C10orf90: variants seen among roughly 807,000 people sequenced by gnomAD.
C10orf90 encodes the protein chromosome 10 open reading frame 90.
A neutral mutation model predicts 62.5 loss-of-function variants in C10orf90; 56 were observed. That is an observed-to-expected ratio of 0.90 (90% CI 0.72 to 1.12). C10orf90 has a LOEUF of 1.12. Among genes scored for constraint, C10orf90 ranks in the 50% most tolerant of loss-of-function variants. The probability of loss-of-function intolerance (pLI) is 0.00; values close to 1 mark genes in which losing one functional copy is unlikely to be tolerated. For synonymous variants in C10orf90, 386 were observed against 340.4 expected, an observed-to-expected ratio of 1.13 and a Z score of -1.47; for missense variants, 970 against 880.4, an observed-to-expected ratio of 1.10 and a Z score of -1.29.
rs149219914 is a variant in C10orf90, at chr10:126,485,677, A to C, written c.1534+18280T>G. On this transcript the variant is annotated intron_variant, in intron 4 of 9. Coordinates refer to ENST00000488181, the MANE Select transcript of C10orf90 (RefSeq NM_001350921.2). ...TGGAAATGGCCGGGCGTGGTGGCTT[A>C]AGCCTGTAATCCCAGCATTTTGGGA... Among the ~76,000 whole-genome samples, 612 of 152,162 alleles carry C rather than the reference A, an allele frequency of 4.0e-3. 5 individuals are homozygous for C. Among genetic ancestry groups the C allele is most frequent in the African/African-American group, 0.014 (583 of 41,508 alleles).
At chr10:126,508,190 A>AGAGAGAGAGTGT (rs1427624756) in intron 3 of C10orf90, among the ~76,000 whole-genome samples, 2 of 149,682 alleles carry the variant, frequency 1.3e-5, no homozygotes, top group African/African-American at 4.9e-5. Flanking sequence ...AGAGAGAGAG[A>AGAGAGAGAGTGT]GTGTGTGTGT....
At chr10:126,623,321 T>C (rs1845682222) in intron 2 of C10orf90, among the ~76,000 whole-genome samples, 1 of 152,160 alleles carries the variant, frequency 6.6e-6, no homozygotes, top group South Asian at 2.1e-4. Context: ...CCTCCATACA[T>C]GTCCAGGCCT....
chr10:126,523,141 G>A (rs1344088005), intron 2 of C10orf90, among the ~76,000 whole-genome samples: 1 of 152,170 alleles, frequency 6.6e-6, no homozygotes, highest in South Asian at 2.1e-4. Context: ...GGTCACTTGG[G>A]CTCTAGCTGA....
chr10:126,616,400 C>T (rs11245062), intron 2 of C10orf90, among the ~76,000 whole-genome samples: 15 of 152,218 alleles, frequency 9.9e-5, no homozygotes, highest in South Asian at 2.1e-4. Flanking sequence ...GAGAGAAGTA[C>T]GGCAATTAAT....
intron 1 of C10orf90, among the ~76,000 whole-genome samples, chr10:126,649,010 ATATCTCTCTCTCTCTCTGTCTCTG>A (rs1846225280): frequency 7.2e-6 from 1 of 139,210 alleles, no homozygotes. Context: ...ATCACAGATG[ATATCTCTCTCTCTCTCTGTCTCTG>A]TCTCTCTCTC....
chr10:126,492,026 T>C (rs1861796693), intron 4 of C10orf90, among the ~76,000 whole-genome samples: 2 of 152,180 alleles, frequency 1.3e-5, no homozygotes, highest in South Asian at 2.1e-4. Flanking sequence ...GAAACAGATA[T>C]GATGCCTAAA....
At position 126,502,163 on chromosome 10, in the gene C10orf90, C is replaced by T. The variant is rs189823624; in HGVS notation, c.1534+1794G>A. ...CACACACTAGGTGCAATATACACTA[C>T]TTGGGTGACGGGTGCCCTAAAATCT... On this transcript the variant is annotated intron_variant, in intron 4 of 9. Transcript: ENST00000488181. 2.6e-4 allele frequency among the ~76,000 whole-genome samples: 39 copies of T among 152,046 alleles called. No individual in the cohort carries two copies. In the East Asian group the frequency reaches 7.0e-3, roughly 27 times the overall value.
At chr10:126,669,590 T>G (rs992207409) in intron 1 of C10orf90, among the ~76,000 whole-genome samples, 1 of 152,258 alleles carries the variant, frequency 6.6e-6, no homozygotes, top group South Asian at 2.1e-4. Context: ...GTTTACTTTC[T>G]GAAAAGATAA....
chr10:126,609,762 G>A lies in C10orf90; in HGVS notation c.313+36803C>T, dbSNP rs556442812. On this transcript the variant is annotated intron_variant, in intron 2 of 9. Coordinates refer to ENST00000488181, the MANE Select transcript of C10orf90 (RefSeq NM_001350921.2). Reference sequence around the variant, plus strand: ...CAAGGGAGCCAGCCAGATGCTGCACGGGATGCCAGTGATGGCCCACGTGGC... The same window carrying A: ...CAAGGGAGCCAGCCAGATGCTGCACAGGATGCCAGTGATGGCCCACGTGGC... Among the ~76,000 whole-genome samples, 4 of 152,362 alleles carry A rather than the reference G, an allele frequency of 2.6e-5. No individual in the cohort carries two copies. The East Asian group carries it at 5.8e-4, about 22-fold the overall frequency.
intron 2 of C10orf90, among the ~76,000 whole-genome samples, chr10:126,574,715 A>T (rs1435807473): frequency 6.6e-6 from 1 of 152,120 alleles, no homozygotes; most frequent in Non-Finnish European, 1.5e-5. Context: ...AATAATCTCC[A>T]GTACCCATTT....
At chr10:126,446,557 G>C (rs1858797235) in intron 7 of C10orf90, among the ~76,000 whole-genome samples, 1 of 152,056 alleles carries the variant, frequency 6.6e-6, no homozygotes, top group Non-Finnish European at 1.5e-5. Context: ...GGAAATGAGA[G>C]ATAAAGGCTT....
intron 4 of C10orf90, among the ~76,000 whole-genome samples, chr10:126,484,989 G>T (rs527781121): frequency 1.3e-5 from 2 of 152,292 alleles, no homozygotes; most frequent in Non-Finnish European, 2.9e-5. Flanking sequence ...TGAGCAAAAA[G>T]GAATCTTCAA....
intron 4 of C10orf90, among the ~76,000 whole-genome samples, chr10:126,490,027 T>C (rs1485112144): frequency 9.9e-6 from 1 of 100,940 alleles, no homozygotes; most frequent in Non-Finnish European, 1.7e-5. Context: ...ATATAATATA[T>C]AATATATAAT....
intron 4 of C10orf90, among the ~76,000 whole-genome samples, chr10:126,468,134 T>C (rs369012202): frequency 3.6e-4 from 54 of 151,964 alleles, no homozygotes; most frequent in African/African-American, 1.3e-3. Flanking sequence ...AGTGGCACTA[T>C]CTTGGCTCAC....
chr10:126,655,684 G>A lies in C10orf90; in HGVS notation c.241-9047C>T, dbSNP rs546576897. 2.0e-5 allele frequency among the ~76,000 whole-genome samples: 3 copies of A among 152,248 alleles called. No homozygotes were observed. In the South Asian group the frequency reaches 6.2e-4, roughly 32 times the overall value. ...TTTCCCCCAATTAGAGTCCTGAACA[G>A]TTTGAAATACTTTGAAATCAAATAC... is the stretch of plus-strand genomic sequence containing the variant. On this transcript the variant is annotated intron_variant, in intron 1 of 9. Coordinates refer to ENST00000488181, the MANE Select transcript of C10orf90 (RefSeq NM_001350921.2).
intron 2 of C10orf90, among the ~76,000 whole-genome samples, chr10:126,602,719 A>G (rs1207110461): frequency 6.6e-6 from 1 of 151,484 alleles, no homozygotes; most frequent in Admixed American, 6.6e-5. Flanking sequence ...GGGTCTTATA[A>G]GGGATGCTGT....
At chr10:126,652,248 C>G (rs532733114) in intron 1 of C10orf90, among the ~76,000 whole-genome samples, 55 of 152,302 alleles carry the variant, frequency 3.6e-4, no homozygotes, top group African/African-American at 1.2e-3. Context: ...TCTGGTTTAA[C>G]TTTTTCTAAT....
intron 1 of C10orf90, among the ~76,000 whole-genome samples, chr10:126,662,415 C>T (rs1449176905): frequency 2.0e-5 from 3 of 152,082 alleles, no homozygotes; most frequent in South Asian, 2.1e-4. Context: ...TAGAGACTTT[C>T]TCCCTACACA....
chr10:126,614,986 T>A (rs1007190568), intron 2 of C10orf90, among the ~76,000 whole-genome samples: 1 of 152,192 alleles, frequency 6.6e-6, no homozygotes, highest in African/African-American at 2.4e-5. Context: ...TGGCTGCTGC[T>A]TCTGTTCTGG....
Sources: gnomAD v4.1 joint callset for allele counts (sites outside exome capture counted in the v4.1 genomes callset) on GRCh38, gnomAD v4.1.1 for gene constraint, MANE v1.5 for transcripts, NCBI Gene and HGNC (gene_info 2026-07-23, HGNC 2026-07-21) for gene names.